Variants in FANCC observed in about 807,000 individuals in gnomAD.
FANCC encodes the protein FA complementation group C, also known as Fanconi anemia group C protein.
A neutral mutation model predicts 71.3 loss-of-function variants in FANCC; 55 were observed. That is an observed-to-expected ratio of 0.77 (90% CI 0.62 to 0.97). The LOEUF is 0.97. FANCC is among the 50% of genes least tolerant of loss of function. FANCC has a pLI of 0.00. For synonymous variants in FANCC, 275 were observed against 244.9 expected (o/e 1.12, Z -1.15); for missense variants, 678 against 670.9 (o/e 1.01, Z -0.12).
At chr9:95,112,493 G>GTTC (rs2072027091) in intron 12 of FANCC, among the ~76,000 whole-genome samples, 1 of 152,298 alleles carries the variant, frequency 6.6e-6, no homozygotes, top group African/African-American at 2.4e-5. Context: ...GTGGTTAAAT[G>GTTC]TTCTACATTT....
intron 4 of FANCC, among the ~76,000 whole-genome samples, chr9:95,193,925 A>G (rs1284933050): frequency 6.6e-6 from 1 of 152,206 alleles, no homozygotes; most frequent in Non-Finnish European, 1.5e-5. Context: ...CCCAGGAACC[A>G]GGAGGACAGT....
intron 4 of FANCC, among the ~76,000 whole-genome samples, chr9:95,184,712 G>C (rs4647485): frequency 6.6e-6 from 1 of 152,108 alleles, no homozygotes; most frequent in Non-Finnish European, 1.5e-5. Context: ...AGAAGCAAGG[G>C]GCCAAGAACA....
intron 6 of FANCC, among the ~76,000 whole-genome samples, chr9:95,157,886 A>C (rs1452504779): frequency 6.6e-6 from 1 of 152,192 alleles, no homozygotes; most frequent in Non-Finnish European, 1.5e-5. Flanking sequence ...CAGAAGATAT[A>C]ATCTGCAGCC....
intron 4 of FANCC, among the ~76,000 whole-genome samples, chr9:95,181,849 G>A (rs962440665): frequency 6.6e-5 from 10 of 152,198 alleles, no homozygotes; most frequent in Admixed American, 1.3e-4. Context: ...TAGATCATGC[G>A]AGTGAACTTT....
rs78329391 is a variant in FANCC at position 95,201,153 on chromosome 9, T to C, written c.346-29006A>G. Among the ~76,000 whole-genome samples the C allele has an allele frequency of 6.6e-5, 10 of 152,330 alleles. No individual in the cohort carries two copies. In the East Asian group the frequency reaches 1.7e-3, roughly 26 times the overall value. On this transcript the variant is annotated intron_variant, in intron 4 of 14. Coordinates refer to ENST00000289081, the MANE Select transcript of FANCC (RefSeq NM_000136.3). The stretch of plus-strand genomic sequence containing the variant: ...GTAGTATAAAGCATTTTAGGATAAT[T>C]TGACTTGCTTCCTTTTTAAACAACA...
intron 1 of FANCC, chr9:95,292,390 G>T: frequency 9.6e-7 from 1 of 1,036,542 alleles, no homozygotes; most frequent in Admixed American, 5.8e-5. Flanking sequence ...CTGGCGGCGG[G>T]TGCCCGCGCC....
intron 4 of FANCC, among the ~76,000 whole-genome samples, chr9:95,173,350 T>C (rs1055743108): frequency 6.6e-6 from 1 of 152,140 alleles, no homozygotes; most frequent in African/African-American, 2.4e-5. Context: ...TGTGTCTGCC[T>C]AGAGGTTTGT....
intron 1 of FANCC, chr9:95,294,318 C>T: frequency 1.9e-6 from 3 of 1,586,824 alleles, no homozygotes; most frequent in Non-Finnish European, 2.6e-6. Context: ...GCACCATGAA[C>T]ACTGAGCCAG....
At chr9:95,114,200 G>C (rs2072202532) in intron 12 of FANCC, 1 of 282,298 alleles carries the variant, frequency 3.5e-6, no homozygotes, top group African/African-American at 2.2e-5. Flanking sequence ...CCACCCTACT[G>C]TGTAGGAGTT....
chr9:95,111,553 C>CATCAGTA lies in FANCC; in HGVS notation c.1232_1238dup (p.Met413IlefsTer24). 6.2e-7 allele frequency: 1 copy of CATCAGTA among 1,614,172 alleles called. No individual in the cohort carries two copies. Reference sequence around the variant, plus strand: ...GGGCCGTGGGGGGTTCGGCTGCCGACATCAGTAATTGCTCTGCCACCATCT... The same window carrying CATCAGTA: ...GGGCCGTGGGGGGTTCGGCTGCCGACATCAGTAATCAGTAATTGCTCTGCCACCATCT... On this transcript the variant is annotated frameshift_variant, in exon 13 of 15. Coordinates refer to ENST00000289081, the MANE Select transcript of FANCC (RefSeq NM_000136.3). LOFTEE classifies it high-confidence loss of function.
intron 7 of FANCC, among the ~76,000 whole-genome samples, chr9:95,141,985 G>GTTTTTTTTTTTTTTTT (rs1163083695): frequency 1.2e-5 from 1 of 83,138 alleles, no homozygotes; most frequent in African/African-American, 4.8e-5. Context: ...AGTTTGTGGG[G>GTTTTTTTTTTTTTTTT]TTTTTTTTTT....
At chr9:95,229,472 T>C (rs974091017) in intron 4 of FANCC, among the ~76,000 whole-genome samples, 5 of 151,858 alleles carry the variant, frequency 3.3e-5, no homozygotes, top group Admixed American at 1.3e-4. Context: ...ACAGACTGGA[T>C]GGATTGATAG....
In FANCC at chr9:95,101,734, G is replaced by C; in HGVS notation, c.1650C>G (p.Leu550=). 2.5e-6 allele frequency: 4 copies of C among 1,614,078 alleles called. No individual in the cohort carries two copies. Among genetic ancestry groups the C allele is most frequent in the Non-Finnish European group, 3.4e-6 (4 of 1,180,006 alleles). The change falls in exon 15 of 15, where the codon CTC becomes CTG. Residue 550 remains leucine, a synonymous_variant. Coordinates refer to ENST00000289081, the MANE Select transcript of FANCC (RefSeq NM_000136.3). ...SPRSEKLARE[L]LKELRTQV ...AGACTTGAGTTCGCAGCTCTTTAAG[G>C]AGCTCTCGGGCCAGTTTTTCTGATC...
intron 3 of FANCC, among the ~76,000 whole-genome samples, chr9:95,242,437 T>C (rs1280596480): frequency 7.8e-6 from 1 of 127,890 alleles, no homozygotes; most frequent in African/African-American, 3.1e-5. Context: ...AAAAAGAATG[T>C]AATCTGATGG....
chr9:95,208,121 G>C, intron 4 of FANCC, among the ~76,000 whole-genome samples: 1 of 21,678 alleles, frequency 4.6e-5, no homozygotes, highest in East Asian at 1.2e-3. Context: ...TTTTGTGATG[G>C]AGTTTTTCTC....
chr9:95,267,595 G>C lies in FANCC; in HGVS notation c.-78-18226C>G, dbSNP rs181336850. Among the ~76,000 whole-genome samples the C allele has an allele frequency of 4.0e-3, 613 of 152,218 alleles. 3 individuals are homozygous for C. Among genetic ancestry groups the C allele is most frequent in the Admixed American group, 0.011 (166 of 15,286 alleles). On this transcript the variant is annotated intron_variant, in intron 1 of 14. Transcript: ENST00000289081. ...ATGCAACTAACAATATCAGACATTAGATCACAAATTCACTTCAGATGAAGT... is the reference window on the plus strand; with the variant it reads ...ATGCAACTAACAATATCAGACATTACATCACAAATTCACTTCAGATGAAGT...
intron 4 of FANCC, among the ~76,000 whole-genome samples, chr9:95,176,001 A>G (rs1053747987): frequency 5.3e-5 from 8 of 152,124 alleles, no homozygotes; most frequent in Non-Finnish European, 1.0e-4. Flanking sequence ...GAAGAATGCA[A>G]CCTTCTGCTC....
Position 95,101,712 on chromosome 9 carries a change from C to A in FANCC, c.1672G>T (p.Val558Phe), listed in dbSNP as rs758866109. ...RELLKELRTQ[V>F] Reference sequence around the variant, plus strand: ...CCACACGGCCTGCGTGCCTTCTAGACTTGAGTTCGCAGCTCTTTAAGGAGC... The same window carrying A: ...CCACACGGCCTGCGTGCCTTCTAGAATTGAGTTCGCAGCTCTTTAAGGAGC... The change falls in exon 15 of 15, where the codon GTC becomes TTC. Residue 558 changes from valine (V) to phenylalanine (F), a missense_variant. Coordinates refer to ENST00000289081, the MANE Select transcript of FANCC (RefSeq NM_000136.3). 3.7e-6 allele frequency: 6 copies of A among 1,613,980 alleles called. No individual in the cohort carries two copies. In the Admixed American group the frequency reaches 1.0e-4, roughly 27 times the overall value.
chr9:95,316,262 G>A (rs1222026769), intron 1 of FANCC, among the ~76,000 whole-genome samples: 2 of 152,188 alleles, frequency 1.3e-5, no homozygotes. Context: ...TATGAATAAT[G>A]TATATGAGTG....
Sources: gnomAD v4.1 joint callset for allele counts (sites outside exome capture counted in the v4.1 genomes callset) on GRCh38, gnomAD v4.1.1 for gene constraint, MANE v1.5 for transcripts, NCBI Gene and HGNC (gene_info 2026-07-23, HGNC 2026-07-21) for gene names.